The following AGAP1 variants were observed in gnomAD, a reference collection of about 807,000 sequenced individuals.
AGAP1 encodes arf-GAP with GTPase, ANK repeat and PH domain-containing protein 1.
A neutral mutation model predicts 105.3 loss-of-function variants in AGAP1; 29 were observed. The ratio of observed to expected loss-of-function variants is 0.28; its 90% CI spans 0.21 to 0.38. The LOEUF is 0.38. Ranked by LOEUF, AGAP1 falls within the 10% of genes least tolerant of loss-of-function variation. The probability of loss-of-function intolerance (pLI) is 1.00; values close to 1 mark genes in which losing one functional copy is unlikely to be tolerated. For missense variants in AGAP1, 998 were observed against 1,165.1 expected (o/e 0.86, Z 2.09); for synonymous variants, 509 against 485.9 (o/e 1.05, Z -0.63).
Position 236,083,685 on chromosome 2 carries a change from T to A in AGAP1, c.2114+34404T>A, listed in dbSNP as rs1043976150. Among the ~76,000 whole-genome samples the A allele has an allele frequency of 1.3e-5, 2 of 152,220 alleles. No individual in the cohort carries two copies. Among genetic ancestry groups the A allele is most frequent in the African/African-American group, 4.8e-5 (2 of 41,450 alleles). On this transcript the variant is annotated intron_variant, in intron 16 of 17. Coordinates refer to ENST00000304032, the MANE Select transcript of AGAP1 (RefSeq NM_001037131.3). This position sits in a 1 kb window ranked among gnomAD's most constrained non-coding sequence, Gnocchi z 5.3. The stretch of plus-strand genomic sequence containing the variant: ...AATAATGTGGGCTTTTTTGTTTTAC[T>A]TAATATATAGGAAGATTTTTTTTTA...
At chr2:235,504,625 G>T (rs926819607) in intron 1 of AGAP1, among the ~76,000 whole-genome samples, 1 of 152,054 alleles carries the variant, frequency 6.6e-6, no homozygotes, top group African/African-American at 2.4e-5. Flanking sequence ...CATTTCTGTC[G>T]GGTGTGTGCT....
intron 1 of AGAP1, among the ~76,000 whole-genome samples, chr2:235,511,561 G>C (rs1404838057): frequency 1.3e-5 from 2 of 152,156 alleles, no homozygotes; most frequent in Non-Finnish European, 2.9e-5. Context: ...CTGAGCTCAG[G>C]GCAGTTCCTA....
At chr2:235,815,726 T>C (rs536882495) in intron 9 of AGAP1, among the ~76,000 whole-genome samples, 2 of 152,366 alleles carry the variant, frequency 1.3e-5, no homozygotes, top group East Asian at 3.9e-4. Flanking sequence ...ATAGGAAGCA[T>C]ACGAGACTCA....
At position 235,578,784 on chromosome 2, in the gene AGAP1, C is replaced by CAAAA. The variant is rs1216227916; in HGVS notation, c.163+83948_163+83951dup. On this transcript the variant is annotated intron_variant, in intron 1 of 17. Transcript: ENST00000304032. The surrounding 1 kb of genome is among the most constrained non-coding windows in gnomAD (Gnocchi z 4.9). ...TGGGCAATACAGCGAGACTCAGTCTCAAAAAAAAAAAAAAAATTTTTTTTT... is the reference window on the plus strand; with the variant it reads ...TGGGCAATACAGCGAGACTCAGTCTCAAAAAAAAAAAAAAAAAAAATTTTTTTTT... 8.5e-6 allele frequency among the ~76,000 whole-genome samples: 1 copy of CAAAA among 117,814 alleles called. No individual in the cohort carries two copies. Among genetic ancestry groups the CAAAA allele is most frequent in the African/African-American group, 3.1e-5 (1 of 31,946 alleles). 77.3% of individuals were successfully genotyped at this position (117,814 alleles called of 152,430 possible).
At position 235,745,045 on chromosome 2, in the gene AGAP1, A is replaced by G. The variant is rs966927343; in HGVS notation, c.538+206A>G. 2.0e-5 allele frequency among the ~76,000 whole-genome samples: 3 copies of G among 151,984 alleles called. 1 individual carries two copies. Among genetic ancestry groups the G allele is most frequent in the African/African-American group, 7.2e-5 (3 of 41,382 alleles). On this transcript the variant is annotated intron_variant, in intron 5 of 17. Transcript: ENST00000304032. ...ACTCATTTAACAACCTGAAAACAAC[A>G]CACACACACATATCCCAGGTGCTTT...
chr2:235,553,984 A>G lies in AGAP1; in HGVS notation c.163+59135A>G, dbSNP rs1311293220. Among the ~76,000 whole-genome samples, 1 of 152,206 alleles carries G rather than the reference A, an allele frequency of 6.6e-6. No individual in the cohort carries two copies. The highest frequency in any genetic ancestry group is 1.5e-5 in the Non-Finnish European group (1 of 68,044). On this transcript the variant is annotated intron_variant, in intron 1 of 17. Transcript: ENST00000304032. The surrounding 1 kb of genome is among the most constrained non-coding windows in gnomAD (Gnocchi z 4.5). ...TCCTGGACCCCTTACTGGGTGGACA[A>G]AGGTTTTCTGTGTGACTCACCTCTG...
intron 13 of AGAP1, among the ~76,000 whole-genome samples, chr2:235,968,865 G>A (rs1462148800): frequency 1.3e-5 from 2 of 152,108 alleles, no homozygotes; most frequent in South Asian, 2.1e-4. Context: ...GCTGGTAGCG[G>A]GTAGGAGTGC....
intron 9 of AGAP1, among the ~76,000 whole-genome samples, chr2:235,826,669 C>T (rs1269953703): frequency 1.3e-5 from 2 of 152,056 alleles, no homozygotes; most frequent in Non-Finnish European, 1.5e-5. Flanking sequence ...AGGGTGGGCT[C>T]GAACTCCTAC....
intron 1 of AGAP1, among the ~76,000 whole-genome samples, chr2:235,572,004 T>C (rs7588645): frequency 0.13 from 6,522 of 49,280 alleles, 172 homozygotes; most frequent in African/African-American, 0.16. Flanking sequence ...ACACACACAC[T>C]TTTTTTTTTT....
At chr2:235,718,825 G>A (rs1037795983) in intron 3 of AGAP1, among the ~76,000 whole-genome samples, 3 of 152,142 alleles carry the variant, frequency 2.0e-5, no homozygotes, top group African/African-American at 4.8e-5. Flanking sequence ...GAGAAAGCTT[G>A]CCTGTTCACT....
Position 236,101,850 on chromosome 2 carries a change from A to G in AGAP1, c.2115-18342A>G, listed in dbSNP as rs1047710057. ...ACACATTTATCGGGATTTATGCTTT[A>G]AAACAGTAGTTCACATTTTTTCTAA... On this transcript the variant is annotated intron_variant, in intron 16 of 17. Coordinates refer to ENST00000304032, the MANE Select transcript of AGAP1 (RefSeq NM_001037131.3). The surrounding 1 kb of genome is among the most constrained non-coding windows in gnomAD (Gnocchi z 4.9). Among the ~76,000 whole-genome samples, 1 of 152,250 alleles carries G rather than the reference A, an allele frequency of 6.6e-6. No homozygotes were observed. Among genetic ancestry groups the G allele is most frequent in the Non-Finnish European group, 1.5e-5 (1 of 68,044 alleles).
rs183526837 is a variant in AGAP1, at chr2:235,952,256, G to C, written c.1484-16206G>C. On this transcript the variant is annotated intron_variant, in intron 12 of 17. Coordinates refer to ENST00000304032, the MANE Select transcript of AGAP1 (RefSeq NM_001037131.3). ...GAATCTACATAAAATATGCAGCACA[G>C]TCATTAGTCATTTGCAGTGGCCCAG... 4.7e-5 allele frequency among the ~76,000 whole-genome samples: 6 copies of C among 127,178 alleles called. No homozygotes were observed. The East Asian group carries it at 1.3e-3, about 28-fold the overall frequency. 83.4% of individuals were successfully genotyped at this position (127,178 alleles called of 152,430 possible).
chr2:235,635,650 CA>C lies in AGAP1; in HGVS notation c.164-73528del, dbSNP rs1946971582. Among the ~76,000 whole-genome samples the C allele has an allele frequency of 6.6e-6, 1 of 152,032 alleles. No individual in the cohort carries two copies. The highest frequency in any genetic ancestry group is 2.4e-5 in the African/African-American group (1 of 41,384). On this transcript the variant is annotated intron_variant, in intron 1 of 17. Coordinates refer to ENST00000304032, the MANE Select transcript of AGAP1 (RefSeq NM_001037131.3). This position sits in a 1 kb window ranked among gnomAD's most constrained non-coding sequence, Gnocchi z 5.3. Reference sequence around the variant, plus strand: ...TTTCTAGGGAGGCATCAGAGTTAGCCATGGCACCTTCTCCAAAGCTGCCTCG... The same window carrying C: ...TTTCTAGGGAGGCATCAGAGTTAGCCTGGCACCTTCTCCAAAGCTGCCTCG...
At chr2:235,669,858 C>G (rs957920093) in intron 1 of AGAP1, 1 of 147,772 alleles carries the variant, frequency 6.8e-6, no homozygotes, top group Non-Finnish European at 1.5e-5. Context: ...GCCTGACCGG[C>G]CGCCTCGCTT....
In AGAP1 at chr2:235,728,989, A is replaced by G. The variant is rs1220771761; in HGVS notation, c.310+11345A>G. Reference sequence around the variant, plus strand: ...AGGCCAGCTGCTGTGTGGGTCTTCCATGTCCCAGGGACGGAGAGAGGAGAA... The same window carrying G: ...AGGCCAGCTGCTGTGTGGGTCTTCCGTGTCCCAGGGACGGAGAGAGGAGAA... On this transcript the variant is annotated intron_variant, in intron 3 of 17. Coordinates refer to ENST00000304032, the MANE Select transcript of AGAP1 (RefSeq NM_001037131.3). The surrounding 1 kb of genome is among the most constrained non-coding windows in gnomAD (Gnocchi z 4.3). 6.6e-6 allele frequency among the ~76,000 whole-genome samples: 1 copy of G among 152,162 alleles called. No individual in the cohort carries two copies. Among genetic ancestry groups the G allele is most frequent in the East Asian group, 1.9e-4 (1 of 5,182 alleles).
rs139553695 is a variant in AGAP1 at position 235,552,033 on chromosome 2, C to T, written c.163+57184C>T. ...GAGCTAATGTTTTTTTCTCTGGTCCCTGCCACCTGCTGGAAGGAGCCTGCA... is the reference window on the plus strand; with the variant it reads ...GAGCTAATGTTTTTTTCTCTGGTCCTTGCCACCTGCTGGAAGGAGCCTGCA... On this transcript the variant is annotated intron_variant, in intron 1 of 17. Coordinates refer to ENST00000304032, the MANE Select transcript of AGAP1 (RefSeq NM_001037131.3). This position sits in a 1 kb window ranked among gnomAD's most constrained non-coding sequence, Gnocchi z 5.9. 7.8e-3 allele frequency among the ~76,000 whole-genome samples: 1,192 copies of T among 152,342 alleles called. 28 individuals carry two copies. Among genetic ancestry groups the T allele is most frequent in the South Asian group, 0.035 (168 of 4,822 alleles).
chr2:235,638,481 A>G (rs771479367), intron 1 of AGAP1, among the ~76,000 whole-genome samples: 1 of 152,352 alleles, frequency 6.6e-6, no homozygotes, highest in Non-Finnish European at 1.5e-5. Context: ...TAAACATCAC[A>G]ATGGCGATGG....
In AGAP1 at chr2:235,901,594, T is replaced by C. The variant is rs1290742613; in HGVS notation, c.1156-7144T>C. ...CAGGACCCCTTTATCTTTTTAAAAA[T>C]TATGGGCCAGGTGTGGTGGCTCACA... On this transcript the variant is annotated intron_variant, in intron 10 of 17. Transcript: ENST00000304032. The surrounding 1 kb of genome is among the most constrained non-coding windows in gnomAD (Gnocchi z 4.3). 6.6e-6 allele frequency among the ~76,000 whole-genome samples: 1 copy of C among 152,116 alleles called. No homozygotes were observed. Among genetic ancestry groups the C allele is most frequent in the African/African-American group, 2.4e-5 (1 of 41,418 alleles).
In AGAP1 at chr2:236,087,761, TAAG is replaced by T. The variant is rs943713535; in HGVS notation, c.2115-32427_2115-32425del. ...TTTTCTTTGTCCATGAAGCACCAAA[TAAG>T]AAGTTGGCGTCCATTAAACTAGATT... On this transcript the variant is annotated intron_variant, in intron 16 of 17. Coordinates refer to ENST00000304032, the MANE Select transcript of AGAP1 (RefSeq NM_001037131.3). This position sits in a 1 kb window ranked among gnomAD's most constrained non-coding sequence, Gnocchi z 5.7. Among the ~76,000 whole-genome samples the T allele has an allele frequency of 7.2e-5, 11 of 152,218 alleles. No individual in the cohort carries two copies. The highest frequency in any genetic ancestry group is 1.5e-4 in the Non-Finnish European group (10 of 68,044).
Sources: allele counts gnomAD v4.1 joint callset (sites outside exome capture counted in the v4.1 genomes callset), GRCh38; gene constraint gnomAD v4.1.1; non-coding constraint Gnocchi (gnomAD v3.1); transcripts MANE v1.5; gene names NCBI Gene and HGNC (gene_info 2026-07-23, HGNC 2026-07-21).